Variants in SCFD2 observed in about 807,000 individuals in gnomAD.
SCFD2 encodes sec1 family domain containing 2.
Under a neutral mutation model 58.9 loss-of-function variants are expected in SCFD2, and 54 were observed. The ratio of observed to expected loss-of-function variants is 0.92; its 90% CI spans 0.74 to 1.15. The LOEUF is 1.15. Ranked by LOEUF, SCFD2 falls within the 50% of genes most tolerant of loss-of-function variation. The pLI is 0.00. For synonymous variants in SCFD2, 321 were observed against 335.9 expected, an observed-to-expected ratio of 0.96 and a Z score of 0.49; for missense variants, 805 against 836.6, an observed-to-expected ratio of 0.96 and a Z score of 0.47.
Position 52,907,572 on chromosome 4 carries a change from A to G in SCFD2, c.1727T>C (p.Leu576Ser), listed in dbSNP as rs1560477474. ...HTHQASYKPL[L>S]KQVVEEIFHP... ...AAATATTTCCTCCACAACTTGCTTC[A>G]ACAATGGCTTATAAGATGCCTGGAA... The change falls in exon 7 of 9, where the codon TTG (leucine) becomes TCG (serine). Residue 576 changes from leucine (L) to serine (S), a missense_variant. Around this residue, in one of 3 missense-constraint regions of SCFD2, gnomAD observed 633 missense variants for 646.8 expected, o/e 0.98. Transcript: ENST00000401642. 6.2e-7 allele frequency: 1 copy of G among 1,614,028 alleles called. No individual in the cohort carries two copies. Among genetic ancestry groups the G allele is most frequent in the Non-Finnish European group, 8.5e-7 (1 of 1,179,998 alleles).
intron 5 of SCFD2, among the ~76,000 whole-genome samples, chr4:53,133,035 TTC>T (rs1268443448): frequency 1.3e-5 from 2 of 152,062 alleles, no homozygotes; most frequent in Non-Finnish European, 2.9e-5. Flanking sequence ...TCTTTTACAA[TTC>T]TCTGTTTGAG....
At chr4:52,988,455 G>A (rs1456517924) in intron 5 of SCFD2, among the ~76,000 whole-genome samples, 1 of 152,174 alleles carries the variant, frequency 6.6e-6, no homozygotes, top group African/African-American at 2.4e-5. Context: ...CAGCTTAGAG[G>A]TCTCTGTGTC....
At chr4:53,061,335 C>T (rs1453570846) in intron 5 of SCFD2, among the ~76,000 whole-genome samples, 1 of 152,072 alleles carries the variant, frequency 6.6e-6, no homozygotes, top group Non-Finnish European at 1.5e-5. Context: ...CAACAATGCT[C>T]GAGGATGGTA....
At chr4:53,145,279 A>T in intron 5 of SCFD2, 54 bp downstream of exon 5, 1 of 1,587,648 alleles carries the variant, frequency 6.3e-7, no homozygotes, top group Non-Finnish European at 8.6e-7. Flanking sequence ...TTATTTTGAA[A>T]CCTGTTTCGT....
intron 5 of SCFD2, among the ~76,000 whole-genome samples, chr4:53,041,006 C>G (rs76504125): frequency 6.6e-6 from 1 of 152,136 alleles, no homozygotes; most frequent in African/African-American, 2.4e-5. Context: ...ACCACAGGAA[C>G]TATTCAGTCT....
intron 4 of SCFD2, among the ~76,000 whole-genome samples, chr4:53,241,189 A>C (rs988067522): frequency 8.5e-5 from 13 of 152,310 alleles, no homozygotes; most frequent in Middle Eastern, 3.4e-3. Flanking sequence ...ACCAAAGACA[A>C]ATGAGTTGGC....
chr4:53,291,608 G>GAA (rs1731841436), intron 3 of SCFD2, among the ~76,000 whole-genome samples: 1 of 149,546 alleles, frequency 6.7e-6, no homozygotes, highest in South Asian at 2.1e-4. Flanking sequence ...ATTCTTCACA[G>GAA]AATTAGAAAA....
intron 3 of SCFD2, among the ~76,000 whole-genome samples, chr4:53,301,856 G>A (rs1380984931): frequency 2.0e-5 from 3 of 151,178 alleles, no homozygotes; most frequent in African/African-American, 7.4e-5. Flanking sequence ...AAAACCACAC[G>A]ACTATCTCAA....
rs545898644 is a variant in SCFD2, at chr4:53,096,815, C to T, written c.1561+48518G>A. 8.5e-5 allele frequency among the ~76,000 whole-genome samples: 13 copies of T among 152,264 alleles called. No homozygotes were observed. The South Asian group carries it at 2.7e-3, about 32-fold the overall frequency. On this transcript the variant is annotated intron_variant, in intron 5 of 8. Transcript: ENST00000401642. ...ATGCCTATGTCCTGAATGGTACTGCCTAGGTTTTCTTCTAGGGTTTTTATG... is the reference window on the plus strand; with the variant it reads ...ATGCCTATGTCCTGAATGGTACTGCTTAGGTTTTCTTCTAGGGTTTTTATG...
At chr4:52,896,947 T>A (rs1244803555) in intron 7 of SCFD2, among the ~76,000 whole-genome samples, 2 of 152,210 alleles carry the variant, frequency 1.3e-5, no homozygotes, top group Non-Finnish European at 2.9e-5. Flanking sequence ...TCACTCATGA[T>A]TTGGCTCTCT....
At chr4:52,880,963 G>C (rs912176966) in intron 8 of SCFD2, among the ~76,000 whole-genome samples, 1 of 152,278 alleles carries the variant, frequency 6.6e-6, no homozygotes, top group African/African-American at 2.4e-5. Context: ...ATGCGGATCA[G>C]AGCAGGAGAA....
intron 8 of SCFD2, among the ~76,000 whole-genome samples, chr4:52,875,613 C>T (rs1365890790): frequency 1.3e-5 from 2 of 151,176 alleles, no homozygotes; most frequent in Admixed American, 1.3e-4. Context: ...CCCAAGTCCA[C>T]GAGCTCATTG....
chr4:53,150,254 A>G (rs1048450940), intron 4 of SCFD2, among the ~76,000 whole-genome samples: 11 of 152,156 alleles, frequency 7.2e-5, no homozygotes, highest in Admixed American at 7.2e-4. Flanking sequence ...AGAAATAAAG[A>G]CTTCGTGGTC....
chr4:53,183,992 T>C (rs1217641711), intron 4 of SCFD2, among the ~76,000 whole-genome samples: 2 of 152,158 alleles, frequency 1.3e-5, no homozygotes, highest in African/African-American at 4.8e-5. Flanking sequence ...TCATCAGCAT[T>C]GCCTAATACA....
At chr4:53,219,176 G>C (rs1374647189) in intron 4 of SCFD2, among the ~76,000 whole-genome samples, 5 of 152,200 alleles carry the variant, frequency 3.3e-5, no homozygotes, top group Non-Finnish European at 5.9e-5. Context: ...GTCAAACAGG[G>C]ACATTAAGTC....
chr4:53,149,517 A>G (rs1027078494), intron 4 of SCFD2, among the ~76,000 whole-genome samples: 1 of 152,232 alleles, frequency 6.6e-6, no homozygotes, highest in Non-Finnish European at 1.5e-5. Context: ...ATCTTCCTTA[A>G]GGAATTCCAA....
At chr4:53,268,485 C>A (rs553871516) in intron 4 of SCFD2, among the ~76,000 whole-genome samples, 2 of 152,074 alleles carry the variant, frequency 1.3e-5, no homozygotes, top group Non-Finnish European at 2.9e-5. Flanking sequence ...TGAGTGACAA[C>A]AACATCCCAG....
At chr4:52,952,280 CCCATCCCCTCTCACACCT>C (rs1560492001) in intron 5 of SCFD2, among the ~76,000 whole-genome samples, 1 of 137,856 alleles carries the variant, frequency 7.3e-6, no homozygotes, top group Non-Finnish European at 1.7e-5. Flanking sequence ...CTCTCACACC[CCCATCCCCTCTCACACCT>C]CTGCCCCAAA....
intron 3 of SCFD2, among the ~76,000 whole-genome samples, chr4:53,282,481 T>G (rs1731536269): frequency 6.6e-6 from 1 of 152,160 alleles, no homozygotes; most frequent in African/African-American, 2.4e-5. Context: ...TAAAACAGCT[T>G]TATTGAGATA....
Sources: gnomAD v4.1 joint callset for allele counts (sites outside exome capture counted in the v4.1 genomes callset) on GRCh38, gnomAD v4.1.1 for gene constraint, gnomAD v4.1.1 regional missense constraint, MANE v1.5 for transcripts, NCBI Gene and HGNC (gene_info 2026-07-23, HGNC 2026-07-21) for gene names.